Variants in GPRC5B observed in about 807,000 individuals in gnomAD.
GPRC5B encodes the protein G protein-coupled receptor class C group 5 member B, also known as G protein-coupled receptor family C group 5 member B.
In GPRC5B, 16 loss-of-function variants were observed where a neutral mutation model predicts 30.1. The ratio of observed to expected loss-of-function variants is 0.53; its 90% CI spans 0.36 to 0.81. The LOEUF is 0.81. Among genes scored for constraint, GPRC5B ranks in the 30% least tolerant of loss-of-function variants. The probability of loss-of-function intolerance (pLI) is 0.01; values close to 1 mark genes in which losing one functional copy is unlikely to be tolerated. For missense variants in GPRC5B, 428 were observed against 544.7 expected (o/e 0.79, Z 2.13); for synonymous variants, 241 against 239.5 (o/e 1.01, Z -0.06).
chr16:19,883,410 C>G (rs1422604528), intron 1 of GPRC5B, among the ~76,000 whole-genome samples: 4 of 152,222 alleles, frequency 2.6e-5, no homozygotes, highest in Non-Finnish European at 5.9e-5. Flanking sequence ...GGCTTCCAAA[C>G]GACAGATGCC....
intron 3 of GPRC5B, among the ~76,000 whole-genome samples, chr16:19,860,887 C>T (rs1247692749): frequency 2.6e-5 from 4 of 151,926 alleles, no homozygotes; most frequent in East Asian, 1.9e-4. Context: ...ACACACAGGC[C>T]GAATGCTTGT....
chr16:19,871,901 C>A lies in GPRC5B; in HGVS notation c.945G>T (p.Met315Ile). ...CGTCCTCCTCGAAGGCCGTCTCCCG[C>A]ATCCTGGGCTGCGACGTGTCGAAGT... is the stretch of plus-strand genomic sequence containing the variant. Reference protein sequence around the residue: ...PNYFDTSQPRMRETAFEEDVQ... With the variant: ...PNYFDTSQPRIRETAFEEDVQ... Residue 315 changes from methionine to isoleucine, a missense_variant, in exon 2 of 4, where the codon ATG becomes ATT. Physicochemically the swap from Met to Ile is conservative, Grantham distance 10. This residue lies in a region of GPRC5B where 213 missense variants were observed against 229.1 expected (regional missense o/e 0.93). Coordinates refer to ENST00000300571, the MANE Select transcript of GPRC5B (RefSeq NM_016235.3). 6.2e-7 allele frequency: 1 copy of A among 1,614,086 alleles called. No individual in the cohort carries two copies. The highest frequency in any genetic ancestry group is 8.5e-7 in the Non-Finnish European group (1 of 1,180,052).
rs565426566 is a variant in GPRC5B at position 19,879,430 on chromosome 16, A to C, written c.-2+5297T>G. Among the ~76,000 whole-genome samples, 3 of 144,788 alleles carry C rather than the reference A, an allele frequency of 2.1e-5. No homozygotes were observed. In the East Asian group the frequency reaches 5.8e-4, roughly 28 times the overall value. 95.0% of individuals were successfully genotyped at this position (144,788 alleles called of 152,430 possible). A position where few individuals can be genotyped will look rare whatever the true frequency, so the allele number is the denominator to read the frequency against. ...CTCTCTCTCTCACACACACACACAC[A>C]CCACACACACAGACACACACACACG... On this transcript the variant is annotated intron_variant, in intron 1 of 3. Coordinates refer to ENST00000300571, the MANE Select transcript of GPRC5B (RefSeq NM_016235.3).
intron 1 of GPRC5B, among the ~76,000 whole-genome samples, chr16:19,875,349 C>T (rs895935701): frequency 3.9e-4 from 59 of 152,380 alleles, no homozygotes; most frequent in African/African-American, 1.3e-3. Context: ...CCTGCCACGT[C>T]GGTCACTGAC....
At position 19,872,236 on chromosome 16, in the gene GPRC5B, G is replaced by A. The variant is rs746238177; in HGVS notation, c.610C>T (p.Leu204Phe). 5.0e-6 allele frequency: 8 copies of A among 1,614,194 alleles called. No individual in the cohort carries two copies. Among genetic ancestry groups the A allele is most frequent in the Non-Finnish European group, 5.9e-6 (7 of 1,180,026 alleles). The change falls in exon 2 of 4, where the codon CTC becomes TTC. Residue 204 changes from leucine (L) to phenylalanine (F), a missense_variant. This residue lies in a region of GPRC5B where 213 missense variants were observed against 229.1 expected (regional missense o/e 0.93). Coordinates refer to ENST00000300571, the MANE Select transcript of GPRC5B (RefSeq NM_016235.3). The surrounding 1 kb of genome is among the most constrained non-coding windows in gnomAD (Gnocchi z 5.0). ...AYEPMDFVMA[L>F]IYDMVLLVVT... Reference sequence around the variant, plus strand: ...ACAAGCAGTACCATGTCGTAGATGAGGGCCATCACAAAGTCCATGGGCTCG... The same window carrying A: ...ACAAGCAGTACCATGTCGTAGATGAAGGCCATCACAAAGTCCATGGGCTCG...
chr16:19,866,471 C>G (rs2056667828), intron 2 of GPRC5B, among the ~76,000 whole-genome samples: 1 of 152,158 alleles, frequency 6.6e-6, no homozygotes, highest in African/African-American at 2.4e-5. Context: ...ATTCTCCCAC[C>G]TCAGCCTCCC....
intron 3 of GPRC5B, among the ~76,000 whole-genome samples, chr16:19,861,101 A>AAAAAAAAAAAAAAAAAAAC (rs1291285753): frequency 6.6e-6 from 1 of 151,710 alleles, no homozygotes; most frequent in African/African-American, 2.4e-5. Context: ...AAAAAAAAAA[A>AAAAAAAAAAAAAAAAAAAC]AAAGAAGAAT....
At chr16:19,885,009 G>A, upstream of GPRC5B, 2 of 550,140 alleles carry the variant, frequency 3.6e-6, no homozygotes, top group African/African-American at 2.1e-5. The surrounding 1 kb of genome is among the most constrained non-coding windows in gnomAD (Gnocchi z 5.3). Flanking sequence ...GCTAGGCGCC[G>A]TCTGCATGCA....
chr16:19,884,141 C>G (rs1485539688), intron 1 of GPRC5B, among the ~76,000 whole-genome samples: 1 of 130,190 alleles, frequency 7.7e-6, no homozygotes, highest in Non-Finnish European at 1.6e-5. Flanking sequence ...CGTCATTCGT[C>G]CCCAGCCCAG....
intron 2 of GPRC5B, among the ~76,000 whole-genome samples, chr16:19,870,545 T>C (rs2056707817): frequency 1.3e-5 from 2 of 152,220 alleles, no homozygotes; most frequent in Admixed American, 6.5e-5. Context: ...ATCTAGGAAG[T>C]GGCAGAGGCA....
intron 1 of GPRC5B, among the ~76,000 whole-genome samples, chr16:19,876,060 AG>A (rs2056757186): frequency 6.6e-6 from 1 of 152,204 alleles, no homozygotes; most frequent in South Asian, 2.1e-4. Flanking sequence ...AGCAAGTTTC[AG>A]CAAGCAATGC....
At chr16:19,869,785 T>TG (rs2056698903) in intron 2 of GPRC5B, among the ~76,000 whole-genome samples, 1 of 151,956 alleles carries the variant, frequency 6.6e-6, no homozygotes, top group Admixed American at 6.5e-5. Flanking sequence ...TTAATAACAC[T>TG]GGGGGGCCCA....
intron 2 of GPRC5B, among the ~76,000 whole-genome samples, chr16:19,866,450 C>A (rs112696393): frequency 1.3e-5 from 2 of 152,022 alleles, no homozygotes; most frequent in African/African-American, 4.8e-5. Flanking sequence ...TCTGCCTCCC[C>A]GGTTCAAGCG....
At chr16:19,870,152 T>C (rs1480153878) in intron 2 of GPRC5B, among the ~76,000 whole-genome samples, 1 of 152,174 alleles carries the variant, frequency 6.6e-6, no homozygotes, top group Non-Finnish European at 1.5e-5. Context: ...CTTTTCTTCC[T>C]GGACCAATTC....
chr16:19,864,613 T>C (rs554222174), intron 2 of GPRC5B, among the ~76,000 whole-genome samples: 1 of 152,322 alleles, frequency 6.6e-6, no homozygotes, highest in African/African-American at 2.4e-5. Flanking sequence ...AAGGATGGAC[T>C]CTCAAAGGAA....
Position 19,860,344 on chromosome 16 carries a change from C to G in GPRC5B, c.*156G>C, listed in dbSNP as rs2056610955. On this transcript the variant is annotated 3_prime_UTR_variant, in exon 4 of 4. Transcript: ENST00000300571. ...GTTAGCTTTTCAGTTCGTCAGTGTT[C>G]ACATTTACACGAAATCCCCTTGGCT... is the stretch of plus-strand genomic sequence containing the variant. The G allele has an allele frequency of 1.6e-6, 1 of 609,510 alleles. No individual in the cohort carries two copies. The highest frequency in any genetic ancestry group is 2.9e-6 in the Non-Finnish European group (1 of 340,646). 37.8% of individuals were successfully genotyped at this position (609,510 alleles called of 1,614,324 possible).
Position 19,874,956 on chromosome 16 carries a change from T to C in GPRC5B, c.-1-2110A>G, listed in dbSNP as rs1484970243. ...CACAGCTGGCTGGATGCTTGTTTCCTGGCCTCTCAAGCCAGACTTACTGCC... is the reference window on the plus strand; with the variant it reads ...CACAGCTGGCTGGATGCTTGTTTCCCGGCCTCTCAAGCCAGACTTACTGCC... On this transcript the variant is annotated intron_variant, in intron 1 of 3. Transcript: ENST00000300571. Among the ~76,000 whole-genome samples, 5 of 151,784 alleles carry C rather than the reference T, an allele frequency of 3.3e-5. No homozygotes were observed. The South Asian group carries it at 1.0e-3, about 32-fold the overall frequency.
chr16:19,857,191 A>G lies in GPRC5B; in HGVS notation c.*3309T>C. ...TAATATGTTCTGTGGTTTGCTGTTA[A>G]CCAAGATTCTCCCATTTAAAATGCC... On this transcript the variant is annotated 3_prime_UTR_variant, in exon 4 of 4. Transcript: ENST00000300571. The G allele has an allele frequency of 3.8e-6, 1 of 260,074 alleles. No individual in the cohort carries two copies. 16.1% of individuals were successfully genotyped at this position (260,074 alleles called of 1,614,324 possible). A position where few individuals can be genotyped will look rare whatever the true frequency, so the allele number is the denominator to read the frequency against.
rs375866997 is a variant in GPRC5B, at chr16:19,860,573, G to A, written c.1168-29C>T. 100 of 1,513,570 alleles carry A rather than the reference G, an allele frequency of 6.6e-5. No individual in the cohort carries two copies. In the Admixed American group the frequency reaches 1.7e-3, roughly 26 times the overall value. The allele number at this position is 1,513,570 out of a possible 1,614,324, so 93.8% of individuals were successfully genotyped here. On this transcript the variant is annotated intron_variant, in intron 3 of 3. Coordinates refer to ENST00000300571, the MANE Select transcript of GPRC5B (RefSeq NM_016235.3). ...GAATAACACATAAGGATAACACACT[G>A]AGAACTCTGTGCTTTGCAAAGTCAA... is the stretch of plus-strand genomic sequence containing the variant.
Sources: allele counts gnomAD v4.1 joint callset (sites outside exome capture counted in the v4.1 genomes callset), GRCh38; gene constraint gnomAD v4.1.1; regional missense constraint gnomAD v4.1.1; non-coding constraint Gnocchi (gnomAD v3.1); transcripts MANE v1.5; gene names NCBI Gene and HGNC (gene_info 2026-07-23, HGNC 2026-07-21).